GRID1: variants seen among roughly 807,000 people sequenced by gnomAD.
GRID1 encodes the protein glutamate ionotropic receptor delta type subunit 1.
Under a neutral mutation model 98.0 loss-of-function variants are expected in GRID1, and 28 were observed. The observed-to-expected ratio is 0.29, with a 90% confidence interval of 0.21 to 0.39. GRID1 has a LOEUF of 0.39. GRID1 is among the 10% of genes least tolerant of loss of function. The pLI is 1.00. For synonymous variants in GRID1, 553 were observed against 538.5 expected (o/e 1.03, Z -0.37); for missense variants, 1,111 against 1,340.5 (o/e 0.83, Z 2.67).
chr10:85,602,261 C>T lies in GRID1; in HGVS notation c.*12G>A. The T allele has an allele frequency of 6.8e-7, 1 of 1,474,618 alleles. No individual in the cohort carries two copies. Among genetic ancestry groups the T allele is most frequent in the Non-Finnish European group, 9.0e-7 (1 of 1,112,020 alleles). The allele number at this position is 1,474,618 out of a possible 1,614,324, so 91.3% of individuals were successfully genotyped here. A position where few individuals can be genotyped will look rare whatever the true frequency, so the allele number is the denominator to read the frequency against. ...GTGGGTGGGAGGGTGGGCAGGAGGGCAGGCGGCGCAGTCAGATGGAGGTCC... is the reference window on the plus strand; with the variant it reads ...GTGGGTGGGAGGGTGGGCAGGAGGGTAGGCGGCGCAGTCAGATGGAGGTCC... On this transcript the variant is annotated 3_prime_UTR_variant, in exon 16 of 16. Transcript: ENST00000327946.
chr10:86,101,633 CT>C (rs10596537), intron 4 of GRID1, among the ~76,000 whole-genome samples: 13,255 of 136,438 alleles, frequency 0.097, 637 homozygotes, highest in African/African-American at 0.16. Context: ...TTCATTATTC[CT>C]TTTTTTTTTT....
intron 12 of GRID1, among the ~76,000 whole-genome samples, chr10:85,704,814 C>G (rs1841496250): frequency 6.6e-6 from 1 of 152,216 alleles, no homozygotes; most frequent in African/African-American, 2.4e-5. Context: ...GATTAAGAAA[C>G]TTACTCAAAA....
intron 2 of GRID1, among the ~76,000 whole-genome samples, chr10:86,271,417 G>A (rs943415584): frequency 1.1e-4 from 16 of 152,148 alleles, no homozygotes; most frequent in Non-Finnish European, 1.5e-4. Context: ...ATGTAGAGAA[G>A]CAGGAAAAAA....
At chr10:85,648,561 T>G (rs1843226414) in intron 12 of GRID1, among the ~76,000 whole-genome samples, 1 of 152,092 alleles carries the variant, frequency 6.6e-6, no homozygotes, top group African/African-American at 2.4e-5. Flanking sequence ...CTCAACTGGA[T>G]CTACACAACC....
At chr10:85,936,228 A>T (rs973346579) in intron 4 of GRID1, among the ~76,000 whole-genome samples, 8 of 152,224 alleles carry the variant, frequency 5.3e-5, no homozygotes, top group African/African-American at 1.9e-4. Context: ...AGCCTAAGAA[A>T]CACCAAATTT....
intron 8 of GRID1, among the ~76,000 whole-genome samples, chr10:85,737,934 G>A (rs188521621): frequency 6.6e-6 from 1 of 151,890 alleles, no homozygotes; most frequent in African/African-American, 2.4e-5. Flanking sequence ...AAAGCAGGTG[G>A]TAGTTATTAA....
At chr10:85,671,139 C>T (rs1841080630) in intron 12 of GRID1, among the ~76,000 whole-genome samples, 1 of 152,176 alleles carries the variant, frequency 6.6e-6, no homozygotes, top group African/African-American at 2.4e-5. Context: ...TGCCAACACC[C>T]TCCTTTCTTT....
At chr10:86,326,875 C>T (rs1406486366) in intron 2 of GRID1, among the ~76,000 whole-genome samples, 1 of 152,198 alleles carries the variant, frequency 6.6e-6, no homozygotes, top group Non-Finnish European at 1.5e-5. Flanking sequence ...ATGGTTCGCA[C>T]CTGTAATCCC....
chr10:85,822,016 C>A (rs142925815), intron 8 of GRID1, among the ~76,000 whole-genome samples: 8,045 of 152,180 alleles, frequency 0.053, 504 homozygotes, highest in East Asian at 0.25. Context: ...CCCTTCCTTA[C>A]ACCTTATACA....
intron 2 of GRID1, among the ~76,000 whole-genome samples, chr10:86,331,252 T>C (rs1848137367): frequency 1.3e-5 from 2 of 152,144 alleles, no homozygotes; most frequent in Admixed American, 1.3e-4. Flanking sequence ...GGCTCCTAGG[T>C]TCTCACTGGG....
In GRID1 at chr10:86,314,228, C is replaced by T. The variant is rs543866620; in HGVS notation, c.235+49713G>A. Among the ~76,000 whole-genome samples, 6 of 152,358 alleles carry T rather than the reference C, an allele frequency of 3.9e-5. No homozygotes were observed. The East Asian group carries it at 9.6e-4, about 24-fold the overall frequency. Reference sequence around the variant, plus strand: ...AAGAGGTGGAACTGGCTGCTTTCAGCTGGTGCTCAGGGCCTGAGCTGCTGA... The same window carrying T: ...AAGAGGTGGAACTGGCTGCTTTCAGTTGGTGCTCAGGGCCTGAGCTGCTGA... On this transcript the variant is annotated intron_variant, in intron 2 of 15. Transcript: ENST00000327946.
At chr10:85,947,194 T>G (rs1467280244) in intron 4 of GRID1, among the ~76,000 whole-genome samples, 1 of 152,130 alleles carries the variant, frequency 6.6e-6, no homozygotes, top group Non-Finnish European at 1.5e-5. Context: ...TAAGTTCCGC[T>G]GCAGTCAAAA....
intron 2 of GRID1, among the ~76,000 whole-genome samples, chr10:86,349,979 G>A (rs181131137): frequency 7.5e-4 from 115 of 152,334 alleles, no homozygotes; most frequent in Non-Finnish European, 8.5e-4. Context: ...TAGAGTAATA[G>A]GGGCCCTACT....
At chr10:85,741,168 G>T (rs1841939450) in intron 8 of GRID1, among the ~76,000 whole-genome samples, 1 of 151,994 alleles carries the variant, frequency 6.6e-6, no homozygotes, top group Non-Finnish European at 1.5e-5. Flanking sequence ...TCATTAAATG[G>T]CTGGAATTTC....
intron 4 of GRID1, among the ~76,000 whole-genome samples, chr10:86,092,081 C>T (rs1208386584): frequency 2.6e-5 from 4 of 152,162 alleles, no homozygotes; most frequent in African/African-American, 9.7e-5. Context: ...GGCTCTTCAA[C>T]ACCCCCAAAA....
rs371621024 is a variant in GRID1, at chr10:86,030,929, C to T, written c.726+107890G>A. 4.5e-4 allele frequency among the ~76,000 whole-genome samples: 69 copies of T among 152,216 alleles called. 1 individual carries two copies. In the East Asian group the frequency reaches 8.9e-3, roughly 20 times the overall value. ...CCATCTTCCTTCTCTTTGCCAGCCACGTGTACAGTAAGGAGCAAACAAGAT... is the reference window on the plus strand; with the variant it reads ...CCATCTTCCTTCTCTTTGCCAGCCATGTGTACAGTAAGGAGCAAACAAGAT... On this transcript the variant is annotated intron_variant, in intron 4 of 15. Transcript: ENST00000327946.
intron 14 of GRID1, 136 bp downstream of exon 14, chr10:85,619,731 G>A: frequency 1.5e-6 from 1 of 673,340 alleles, no homozygotes; most frequent in African/African-American, 1.8e-5. Flanking sequence ...AGGAAGCAGT[G>A]GGACATAGTA....
chr10:85,644,964 G>T (rs1159946964), intron 13 of GRID1, among the ~76,000 whole-genome samples: 1 of 152,176 alleles, frequency 6.6e-6, no homozygotes, highest in East Asian at 1.9e-4. Context: ...TCTGTGGAAG[G>T]CCTGTGCAAG....
At chr10:86,173,213 G>T (rs938169966) in intron 3 of GRID1, among the ~76,000 whole-genome samples, 5 of 152,054 alleles carry the variant, frequency 3.3e-5, no homozygotes, top group Admixed American at 1.3e-4. Flanking sequence ...AATTTTTATT[G>T]TTTTTTGTAG....
Sources: gnomAD v4.1 joint callset for allele counts (sites outside exome capture counted in the v4.1 genomes callset) on GRCh38, gnomAD v4.1.1 for gene constraint, MANE v1.5 for transcripts, NCBI Gene and HGNC (gene_info 2026-07-23, HGNC 2026-07-21) for gene names.